Variants in BHMT observed in about 807,000 individuals in gnomAD.
BHMT encodes the protein betaine--homocysteine S-methyltransferase, also known as betaine--homocysteine S-methyltransferase 1.
A neutral mutation model predicts 49.5 loss-of-function variants in BHMT; 38 were observed. The ratio of observed to expected loss-of-function variants is 0.77; its 90% CI spans 0.59 to 1.01. BHMT has a LOEUF of 1.01. Among genes scored for constraint, BHMT ranks in the 50% least tolerant of loss-of-function variants. The pLI is 0.00. For synonymous variants in BHMT, 166 were observed against 176.3 expected (o/e 0.94, Z 0.46); for missense variants, 426 against 495.7 (o/e 0.86, Z 1.34).
chr5:79,115,859 A>G lies in BHMT; in HGVS notation c.126A>G (p.Gly42=). Reference sequence around the variant, plus strand: ...AGAAGAGGGGCTACGTAAAGGCAGGACCCTGGACTCCTGAAGCTGCTGTGG... The same window carrying G: ...AGAAGAGGGGCTACGTAAAGGCAGGGCCCTGGACTCCTGAAGCTGCTGTGG... ...ALEKRGYVKA[G]PWTPEAAVEH... The change falls in exon 2 of 8, where the codon GGA becomes GGG. Residue 42 remains glycine (G), a synonymous_variant. Transcript: ENST00000274353. 1 of 1,613,934 alleles carries G rather than the reference A, an allele frequency of 6.2e-7. No homozygotes were observed. The highest frequency in any genetic ancestry group is 1.3e-5 in the African/African-American group (1 of 75,030).
At chr5:79,112,437 A>T (rs1254559199) in intron 1 of BHMT, among the ~76,000 whole-genome samples, 2 of 152,154 alleles carry the variant, frequency 1.3e-5, no homozygotes, top group South Asian at 4.1e-4. Flanking sequence ...GCGCGCCCAG[A>T]ACAGGGAGGA....
chr5:79,120,562 A>G, intron 4 of BHMT, 21 bp downstream of exon 4: 3 of 1,594,838 alleles, frequency 1.9e-6, no homozygotes, highest in Non-Finnish European at 1.7e-6. Context: ...ATGTGGTGAA[A>G]GATAAGACAA....
At chr5:79,114,087 A>G (rs903878491) in intron 1 of BHMT, among the ~76,000 whole-genome samples, 4 of 146,682 alleles carry the variant, frequency 2.7e-5, no homozygotes, top group East Asian at 3.9e-4. Context: ...TGGCAGTAGT[A>G]TATATATATA....
chr5:79,115,958 C>T lies in BHMT; in HGVS notation c.166+59C>T, dbSNP rs1487592640. ...AGGAGCCGGGTGTGGAGGCTCATGC[C>T]TGTAATCCCAGCAACTCAGGAGGCT... is the stretch of plus-strand genomic sequence containing the variant. On this transcript the variant is annotated intron_variant, in intron 2 of 7. Transcript: ENST00000274353. 8 of 1,511,764 alleles carry T rather than the reference C, an allele frequency of 5.3e-6. No homozygotes were observed. The African/African-American group carries it at 1.1e-4, about 21-fold the overall frequency. The allele number at this position is 1,511,764 out of a possible 1,614,324, so 93.6% of individuals were successfully genotyped here.
chr5:79,119,138 T>C, intron 2 of BHMT, 121 bp from the exon 3 acceptor site: 1 of 777,212 alleles, frequency 1.3e-6, no homozygotes, highest in African/African-American at 1.7e-5. Context: ...CCCTAAGATG[T>C]GCAAATGTCA....
At chr5:79,113,874 G>A (rs982431866) in intron 1 of BHMT, among the ~76,000 whole-genome samples, 2 of 151,914 alleles carry the variant, frequency 1.3e-5, no homozygotes, top group Non-Finnish European at 2.9e-5. Flanking sequence ...TAATTGAATC[G>A]CCACTACCCA....
chr5:79,119,036 C>T (rs546812980), intron 2 of BHMT, among the ~76,000 whole-genome samples: 6 of 152,250 alleles, frequency 3.9e-5, no homozygotes, highest in Non-Finnish European at 7.4e-5. Context: ...TGAGCAAATA[C>T]AGGAATATGA....
chr5:79,128,878 A>G (rs952393523), intron 7 of BHMT, among the ~76,000 whole-genome samples: 2 of 152,238 alleles, frequency 1.3e-5, no homozygotes, highest in African/African-American at 4.8e-5. Context: ...AGAGACTCAC[A>G]GTCTACTGGG....
intron 7 of BHMT, among the ~76,000 whole-genome samples, chr5:79,129,899 C>A (rs1756611223): frequency 6.6e-6 from 1 of 152,166 alleles, no homozygotes. Flanking sequence ...TGACTCACAC[C>A]TGTAATCCCA....
chr5:79,122,475 C>G (rs1756486962), intron 5 of BHMT, among the ~76,000 whole-genome samples: 1 of 151,946 alleles, frequency 6.6e-6, no homozygotes. Flanking sequence ...GAGGCTTACA[C>G]CTAAAAGACA....
At chr5:79,112,022 A>G (rs1756309510) in intron 1 of BHMT, 104 bp downstream of exon 1, 25 of 1,285,988 alleles carry the variant, frequency 1.9e-5, no homozygotes, top group Non-Finnish European at 2.5e-5. Flanking sequence ...CCTGGTACCC[A>G]TCATCCTCCT....
chr5:79,127,271 T>G (rs1050398067), intron 6 of BHMT, among the ~76,000 whole-genome samples: 7 of 152,164 alleles, frequency 4.6e-5, no homozygotes, highest in African/African-American at 1.7e-4. Flanking sequence ...TAGTGTCAGT[T>G]TCTTGCTGTC....
intron 5 of BHMT, among the ~76,000 whole-genome samples, chr5:79,125,277 G>A (rs1367206986): frequency 6.6e-6 from 1 of 151,912 alleles, no homozygotes; most frequent in Non-Finnish European, 1.5e-5. Flanking sequence ...CCAACATGGT[G>A]AAACCCTGTC....
rs1244187006 is a variant in BHMT, at chr5:79,131,173, A to C, written c.*57A>C. 2.0e-6 allele frequency: 3 copies of C among 1,522,596 alleles called. No homozygotes were observed. The highest frequency in any genetic ancestry group is 1.4e-5 in the African/African-American group (1 of 72,340). 94.3% of individuals were successfully genotyped at this position (1,522,596 alleles called of 1,614,324 possible). ...AGGTGTTTGGGTCACAGTTCCTACA[A>C]ATACGGAAAAGGGGGTTAAAAAGCA... On this transcript the variant is annotated 3_prime_UTR_variant, in exon 8 of 8. Coordinates refer to ENST00000274353, the MANE Select transcript of BHMT (RefSeq NM_001713.3).
chr5:79,127,746 T>C lies in BHMT; in HGVS notation c.809-9T>C. ...ATAATGCCTAATGGCATAATGCCAC[T>C]TATTACAGGACTGGAACCCAGAGTT... On this transcript the variant is annotated splice_polypyrimidine_tract_variant and intron_variant, in intron 6 of 7. Transcript: ENST00000274353. The C allele has an allele frequency of 6.2e-7, 1 of 1,613,902 alleles. No homozygotes were observed. The highest frequency in any genetic ancestry group is 8.5e-7 in the Non-Finnish European group (1 of 1,179,854).
At chr5:79,115,579 T>C (rs1387844019) in intron 1 of BHMT, among the ~76,000 whole-genome samples, 188 bp from the exon 2 acceptor site, 1 of 152,176 alleles carries the variant, frequency 6.6e-6, no homozygotes, top group Non-Finnish European at 1.5e-5. Context: ...ACACAAATGT[T>C]TATTTTATGA....
In BHMT at chr5:79,120,376, C is replaced by T. The variant is rs200348644; in HGVS notation, c.312C>T (p.Cys104=). 6.7e-5 allele frequency: 108 copies of T among 1,612,890 alleles called. No homozygotes were observed. The South Asian group carries it at 9.0e-4, about 13-fold the overall frequency. The change falls in exon 4 of 8, where the codon TGC becomes TGT. Residue 104 remains cysteine, a synonymous_variant. Coordinates refer to ENST00000274353, the MANE Select transcript of BHMT (RefSeq NM_001713.3). ...GGCAGGAAGTCAATGAAGCTGCTTGCGACATCGCCCGACAAGTGGCTGATG... is the reference window on the plus strand; with the variant it reads ...GGCAGGAAGTCAATGAAGCTGCTTGTGACATCGCCCGACAAGTGGCTGATG... ...ISGQEVNEAA[C]DIARQVADEG...
At chr5:79,112,994 T>G (rs760026261) in intron 1 of BHMT, among the ~76,000 whole-genome samples, 38 of 152,196 alleles carry the variant, frequency 2.5e-4, no homozygotes, top group Non-Finnish European at 5.0e-4. Flanking sequence ...TCCTCTGGGC[T>G]GTAAGGACAG....
rs1163224599 is a variant in BHMT at position 79,131,373 on chromosome 5, G to T, written c.*257G>T. On this transcript the variant is annotated 3_prime_UTR_variant, in exon 8 of 8. Coordinates refer to ENST00000274353, the MANE Select transcript of BHMT (RefSeq NM_001713.3). Reference sequence around the variant, plus strand: ...GCACCCACCCTGTGAAAAGTATTATGGAAATCACTGCTGCACAGGAAAAGT... The same window carrying T: ...GCACCCACCCTGTGAAAAGTATTATTGAAATCACTGCTGCACAGGAAAAGT... The T allele has an allele frequency of 2.7e-6, 1 of 377,280 alleles. No individual in the cohort carries two copies. Among genetic ancestry groups the T allele is most frequent in the Non-Finnish European group, 4.8e-6 (1 of 209,884 alleles). 23.4% of individuals were successfully genotyped at this position (377,280 alleles called of 1,614,324 possible). A position where few individuals can be genotyped will look rare whatever the true frequency, so the allele number is the denominator to read the frequency against.
Sources: allele counts gnomAD v4.1 joint callset (sites outside exome capture counted in the v4.1 genomes callset), GRCh38; gene constraint gnomAD v4.1.1; transcripts MANE v1.5; gene names NCBI Gene and HGNC (gene_info 2026-07-23, HGNC 2026-07-21).